The following ARHGAP42 variants were observed in gnomAD, a reference collection of about 807,000 sequenced individuals.
ARHGAP42 encodes rho GTPase-activating protein 42.
ARHGAP42 carries 63 observed loss-of-function variants against 125.0 expected under a neutral mutation model. The observed-to-expected ratio is 0.50, with a 90% CI of 0.41 to 0.62. ARHGAP42 has a LOEUF of 0.62. Among genes scored for constraint, ARHGAP42 ranks in the 20% least tolerant of loss-of-function variants. ARHGAP42 has a pLI of 0.00. For missense variants in ARHGAP42, 766 were observed against 1,024.2 expected (o/e 0.75, Z 3.44); for synonymous variants, 339 against 351.0 (o/e 0.97, Z 0.38).
chr11:100,708,045 A>G (rs1052995347), intron 1 of ARHGAP42, among the ~76,000 whole-genome samples: 3 of 152,222 alleles, frequency 2.0e-5, no homozygotes, highest in Admixed American at 1.3e-4. Flanking sequence ...ACTGTTGTAG[A>G]TATGGAGATT....
chr11:100,903,111 A>C (rs909189030), intron 4 of ARHGAP42, among the ~76,000 whole-genome samples: 4 of 129,000 alleles, frequency 3.1e-5, no homozygotes, highest in Non-Finnish European at 6.4e-5. Flanking sequence ...TTGCTGTCCA[A>C]GATGCGCACA....
intron 1 of ARHGAP42, among the ~76,000 whole-genome samples, chr11:100,688,188 G>T (rs1246613133): frequency 6.6e-6 from 1 of 151,986 alleles, no homozygotes; most frequent in Non-Finnish European, 1.5e-5. Context: ...GCCCTTAAGG[G>T]GGGAATCAAG....
At chr11:100,747,042 ACCCTTTGATGAGAATGGGATCCC>A (rs1565552894) in intron 1 of ARHGAP42, among the ~76,000 whole-genome samples, 1 of 151,888 alleles carries the variant, frequency 6.6e-6, no homozygotes, top group Non-Finnish European at 1.5e-5. Flanking sequence ...CCTTCTTTCT[ACCCTTTGATGAGAATGGGATCCC>A]CAGGGCCATG....
chr11:100,926,838 C>G (rs998719964), intron 6 of ARHGAP42, among the ~76,000 whole-genome samples: 1 of 152,162 alleles, frequency 6.6e-6, no homozygotes, highest in African/African-American at 2.4e-5. Flanking sequence ...TTAGTTGTGG[C>G]TTTAAAGCCC....
At chr11:100,933,446 A>C (rs1867641099) in intron 7 of ARHGAP42, among the ~76,000 whole-genome samples, 186 bp downstream of exon 7, 2 of 152,214 alleles carry the variant, frequency 1.3e-5, no homozygotes, top group African/African-American at 4.8e-5. Flanking sequence ...AGACACCTGA[A>C]AGTTTATTAA....
chr11:100,733,011 A>G (rs1451983896), intron 1 of ARHGAP42, among the ~76,000 whole-genome samples: 1 of 152,232 alleles, frequency 6.6e-6, no homozygotes, highest in East Asian at 1.9e-4. Flanking sequence ...CATAATTAAT[A>G]TTTCAAAGTA....
intron 20 of ARHGAP42, among the ~76,000 whole-genome samples, 153 bp from the exon 21 acceptor site, chr11:100,976,662 C>T (rs1051031574): frequency 3.3e-5 from 5 of 152,154 alleles, no homozygotes; most frequent in Non-Finnish European, 5.9e-5. Context: ...ATTTTGATCT[C>T]CCCAAGTGAT....
intron 1 of ARHGAP42, among the ~76,000 whole-genome samples, chr11:100,728,124 T>C (rs1861892348): frequency 6.6e-6 from 1 of 152,132 alleles, no homozygotes; most frequent in Non-Finnish European, 1.5e-5. Context: ...ACACAGTTGG[T>C]TTTTCCTATA....
At chr11:100,921,705 A>T (rs1867274157) in intron 6 of ARHGAP42, 101 bp downstream of exon 6, 2 of 741,106 alleles carry the variant, frequency 2.7e-6, no homozygotes, top group Admixed American at 6.9e-5. Context: ...GAAAATTATG[A>T]TTGATAAAAA....
intron 4 of ARHGAP42, among the ~76,000 whole-genome samples, chr11:100,895,082 A>G (rs1866317039): frequency 6.6e-6 from 1 of 152,214 alleles, no homozygotes; most frequent in African/African-American, 2.4e-5. Flanking sequence ...TTAAGCTGAA[A>G]TCATTTCATC....
In ARHGAP42 at chr11:100,976,371, C is replaced by G; in HGVS notation, c.2170C>G (p.Pro724Ala). 1 of 1,550,232 alleles carries G rather than the reference C, an allele frequency of 6.5e-7. No homozygotes were observed. The highest frequency in any genetic ancestry group is 1.7e-4 in the Middle Eastern group (1 of 5,976). The part of the protein sequence containing the change: ...SPPIDLVKKE[P>A]YGLSGLKRAS... Reference sequence around the variant, plus strand: ...ACCCATAGACCTAGTCAAGAAAGAGCCTTATGGGCTTTCAGGACTGAAAAG... The same window carrying G: ...ACCCATAGACCTAGTCAAGAAAGAGGCTTATGGGCTTTCAGGACTGAAAAG... Residue 724 changes from proline (P) to alanine (A), a missense_variant, in exon 20 of 24, where the codon CCT (proline) becomes GCT (alanine). By Grantham distance (27) the Pro-to-Ala change is conservative. Transcript: ENST00000298815.
chr11:100,904,295 G>A (rs997504915), intron 4 of ARHGAP42, among the ~76,000 whole-genome samples: 2 of 149,994 alleles, frequency 1.3e-5, no homozygotes, highest in Non-Finnish European at 3.0e-5. Flanking sequence ...CCAGGCTGAA[G>A]TACAGTGGTG....
rs201060715 is a variant in ARHGAP42 at position 100,891,982 on chromosome 11, A to C, written c.385-21470A>C. On this transcript the variant is annotated intron_variant, in intron 4 of 23. Coordinates refer to ENST00000298815, the MANE Select transcript of ARHGAP42 (RefSeq NM_152432.4). Reference sequence around the variant, plus strand: ...CAAAGAGCATAGGCATAGTAGGCAAAAGATTGTAATGGTATGTGAGAAGAA... The same window carrying C: ...CAAAGAGCATAGGCATAGTAGGCAACAGATTGTAATGGTATGTGAGAAGAA... 3.9e-5 allele frequency among the ~76,000 whole-genome samples: 6 copies of C among 152,292 alleles called. No individual in the cohort carries two copies. The East Asian group carries it at 1.2e-3, about 29-fold the overall frequency.
chr11:100,763,776 CA>C (rs1477447990), intron 1 of ARHGAP42, among the ~76,000 whole-genome samples: 1 of 152,232 alleles, frequency 6.6e-6, no homozygotes, highest in Admixed American at 6.5e-5. Flanking sequence ...AGGCGTGAGC[CA>C]CCGTGCCCGG....
In ARHGAP42 at chr11:100,992,445, T is replaced by A. The variant is rs749001162; in HGVS notation, c.*3644T>A. 6.2e-7 allele frequency: 1 copy of A among 1,614,128 alleles called. No homozygotes were observed. Among genetic ancestry groups the A allele is most frequent in the Non-Finnish European group, 8.5e-7 (1 of 1,179,968 alleles). On this transcript the variant is annotated 3_prime_UTR_variant, in exon 24 of 24. Transcript: ENST00000298815. ...TTCCCCTTAGGGTACACATTGCTAT[T>A]TAACTTTGCCTCCTACCCTTTTTTG...
Position 100,944,015 on chromosome 11 carries a change from A to G in ARHGAP42, c.1043+147A>G, listed in dbSNP as rs1286055943. 2.2e-5 allele frequency: 13 copies of G among 580,812 alleles called. No individual in the cohort carries two copies. In the East Asian group the frequency reaches 3.5e-4, roughly 16 times the overall value. 36.0% of individuals were successfully genotyped at this position (580,812 alleles called of 1,614,324 possible). ...GTTTATCTCTTTCTTTCATGTTGTT[A>G]TTACATGATGCTTTCGAAAAAGCAA... On this transcript the variant is annotated intron_variant, in intron 10 of 23. Transcript: ENST00000298815.
At chr11:100,732,451 G>A (rs1278283872) in intron 1 of ARHGAP42, among the ~76,000 whole-genome samples, 1 of 152,170 alleles carries the variant, frequency 6.6e-6, no homozygotes, top group African/African-American at 2.4e-5. Context: ...AAACAAGAAT[G>A]TACATCGTCT....
At position 100,973,164 on chromosome 11, in the gene ARHGAP42, T is replaced by C. The variant is rs757930840; in HGVS notation, c.1551-11T>C. The C allele has an allele frequency of 1.3e-6, 2 of 1,499,016 alleles. No homozygotes were observed. The highest frequency in any genetic ancestry group is 5.0e-5 in the East Asian group (2 of 40,016). 92.9% of individuals were successfully genotyped at this position (1,499,016 alleles called of 1,614,324 possible). On this transcript the variant is annotated splice_polypyrimidine_tract_variant and intron_variant, in intron 17 of 23. Transcript: ENST00000298815. ...ATAACTTAAGATATTTTTGTTGCTT[T>C]TTATTTGCAGAGTATCACTACACAG...
intron 4 of ARHGAP42, among the ~76,000 whole-genome samples, chr11:100,892,104 C>A (rs909102275): frequency 6.6e-6 from 1 of 152,148 alleles, no homozygotes; most frequent in South Asian, 2.1e-4. Flanking sequence ...TTACGGAAAG[C>A]CTTGCTTGCC....
Sources: allele counts gnomAD v4.1 joint callset (sites outside exome capture counted in the v4.1 genomes callset), GRCh38; gene constraint gnomAD v4.1.1; transcripts MANE v1.5; gene names NCBI Gene and HGNC (gene_info 2026-07-23, HGNC 2026-07-21).